Variants in IGSF21 observed in about 807,000 individuals in gnomAD.
The protein encoded by IGSF21 is immunoglobin superfamily member 21.
Under a neutral mutation model 46.8 loss-of-function variants are expected in IGSF21, and 28 were observed. The ratio of observed to expected loss-of-function variants is 0.60; its 90% confidence interval spans 0.44 to 0.82. The LOEUF (loss-of-function observed/expected upper bound fraction) is 0.82, where lower values mean the gene tolerates loss of function less well. Among genes scored for constraint, IGSF21 ranks in the 40% least tolerant of loss-of-function variants. IGSF21 has a pLI of 0.00. For synonymous variants in IGSF21, 284 were observed against 273.6 expected, an observed-to-expected ratio of 1.04 and a Z score of -0.38; for missense variants, 624 against 665.5, an observed-to-expected ratio of 0.94 and a Z score of 0.69.
chr1:18,129,166 G>T (rs923651473), intron 1 of IGSF21, among the ~76,000 whole-genome samples: 2 of 152,176 alleles, frequency 1.3e-5, no homozygotes, highest in African/African-American at 4.8e-5. Flanking sequence ...GCAGTATAGC[G>T]TTATGGGGAG....
At chr1:18,341,383 C>T (rs1015628603) in intron 4 of IGSF21, among the ~76,000 whole-genome samples, 4 of 152,104 alleles carry the variant, frequency 2.6e-5, no homozygotes, top group Non-Finnish European at 5.9e-5. Flanking sequence ...TACATTTATA[C>T]GGACTGTGGG....
chr1:18,346,681 G>A lies in IGSF21; in HGVS notation c.424+11671G>A, dbSNP rs188824080. Reference sequence around the variant, plus strand: ...TCAGCAGCCAGCGATCGCAGAAAATGGGCCGTTGGGGTGGAGAGGCCAGGG... The same window carrying A: ...TCAGCAGCCAGCGATCGCAGAAAATAGGCCGTTGGGGTGGAGAGGCCAGGG... On this transcript the variant is annotated intron_variant, in intron 4 of 9. Coordinates refer to ENST00000251296, the MANE Select transcript of IGSF21 (RefSeq NM_032880.5). 3.0e-4 allele frequency among the ~76,000 whole-genome samples: 46 copies of A among 152,306 alleles called. 2 individuals are homozygous for A. The highest frequency in any genetic ancestry group is 1.1e-3 in the African/African-American group (44 of 41,584).
chr1:18,377,034 G>T (rs367699196), intron 8 of IGSF21, 42 bp downstream of exon 8: 7 of 1,548,004 alleles, frequency 4.5e-6, no homozygotes, highest in Non-Finnish European at 6.1e-6. Context: ...CAACCACAGG[G>T]GCGGGTCCTG....
chr1:18,266,807 C>T (rs1486459226), intron 2 of IGSF21, among the ~76,000 whole-genome samples: 1 of 152,218 alleles, frequency 6.6e-6, no homozygotes, highest in Non-Finnish European at 1.5e-5. Context: ...CACTACGTGA[C>T]ACAGGGGCCT....
At chr1:18,312,932 G>A (rs2085502841) in intron 3 of IGSF21, among the ~76,000 whole-genome samples, 1 of 152,196 alleles carries the variant, frequency 6.6e-6, no homozygotes, top group Non-Finnish European at 1.5e-5. Context: ...TTGCAACACG[G>A]ACTGCCTTCT....
chr1:18,244,458 T>C (rs1312257479), intron 2 of IGSF21, among the ~76,000 whole-genome samples: 1 of 152,228 alleles, frequency 6.6e-6, no homozygotes, highest in East Asian at 1.9e-4. Context: ...CCTTTCTCTG[T>C]GTCTGAAAGC....
chr1:18,375,056 A>AGGGTG (rs2086267108), intron 6 of IGSF21, among the ~76,000 whole-genome samples: 1 of 151,412 alleles, frequency 6.6e-6, no homozygotes, highest in Non-Finnish European at 1.5e-5. Flanking sequence ...CTTAAATGTC[A>AGGGTG]CCTCCTTGGA....
At chr1:18,213,954 C>T (rs2084418120) in intron 1 of IGSF21, among the ~76,000 whole-genome samples, 1 of 152,132 alleles carries the variant, frequency 6.6e-6, no homozygotes, top group Non-Finnish European at 1.5e-5. Context: ...CATTGTCACC[C>T]ATCCATAAAA....
chr1:18,163,889 G>A (rs562160388), intron 1 of IGSF21, among the ~76,000 whole-genome samples: 2 of 152,096 alleles, frequency 1.3e-5, no homozygotes, highest in Non-Finnish European at 2.9e-5. Flanking sequence ...AACAATAACG[G>A]GTGTTTTCCA....
chr1:18,362,030 G>A (rs2086106243), intron 4 of IGSF21, 85 bp from the exon 5 acceptor site: 1 of 929,982 alleles, frequency 1.1e-6, no homozygotes, highest in African/African-American at 1.6e-5. Flanking sequence ...ACCCAGCATG[G>A]ACGTGGCCCA....
chr1:18,323,400 C>A (rs1434530148), intron 3 of IGSF21, among the ~76,000 whole-genome samples: 3 of 152,132 alleles, frequency 2.0e-5, no homozygotes, highest in African/African-American at 7.2e-5. Context: ...GTGTGGTGAG[C>A]CCCACCCGTC....
intron 1 of IGSF21, among the ~76,000 whole-genome samples, chr1:18,126,948 C>G (rs1349591928): frequency 1.3e-5 from 2 of 152,260 alleles, no homozygotes; most frequent in East Asian, 3.9e-4. Flanking sequence ...ATAATCCTGC[C>G]TGGTGTTCAC....
chr1:18,186,506 T>A (rs577911363), intron 1 of IGSF21, among the ~76,000 whole-genome samples: 1 of 152,226 alleles, frequency 6.6e-6, no homozygotes, highest in Non-Finnish European at 1.5e-5. Flanking sequence ...ACCCAATCTG[T>A]TTCCCTGGCT....
At chr1:18,378,148 T>C in intron 9 of IGSF21, 108 bp from the exon 10 acceptor site, 1 of 885,854 alleles carries the variant, frequency 1.1e-6, no homozygotes, top group Admixed American at 2.1e-5. Context: ...GAACCCAGTT[T>C]GTCCTGATGC....
At chr1:18,203,277 C>G (rs538092155) in intron 1 of IGSF21, among the ~76,000 whole-genome samples, 10 of 152,320 alleles carry the variant, frequency 6.6e-5, no homozygotes, top group African/African-American at 2.4e-4. Flanking sequence ...GGCTCCACCT[C>G]TGGCCCTTGA....
At chr1:18,108,342 C>T in intron 1 of IGSF21, 144 bp downstream of exon 1, 1 of 852,494 alleles carries the variant, frequency 1.2e-6, no homozygotes, top group Non-Finnish European at 1.6e-6. Flanking sequence ...CTGGTTGGCT[C>T]GATGAGGGAG....
chr1:18,359,481 AAGGAAGGAAGGAAGGAAGGAAGGAAGG>A (rs1431768615), intron 4 of IGSF21, among the ~76,000 whole-genome samples: 10 of 124,952 alleles, frequency 8.0e-5, no homozygotes, highest in Admixed American at 4.7e-4. Context: ...GGAAGGAAGG[AAGGAAGGAAGGAAGGAAGGAAGGAAGG>A]AAGGAAAAGC....
At chr1:18,257,254 C>G (rs74056563) in intron 2 of IGSF21, among the ~76,000 whole-genome samples, 2,498 of 152,300 alleles carry the variant, frequency 0.016, 85 homozygotes, top group African/African-American at 0.056. Context: ...GTGTTGACTG[C>G]ACTAGCCTAT....
chr1:18,328,186 T>A (rs1016997950), intron 3 of IGSF21, among the ~76,000 whole-genome samples: 8 of 152,256 alleles, frequency 5.3e-5, no homozygotes, highest in African/African-American at 1.9e-4. Context: ...AAGTCCATCG[T>A]AAGTTCAAAA....
Sources: allele counts gnomAD v4.1 joint callset (sites outside exome capture counted in the v4.1 genomes callset), GRCh38; gene constraint gnomAD v4.1.1; transcripts MANE v1.5; gene names NCBI Gene and HGNC (gene_info 2026-07-23, HGNC 2026-07-21).